ATG16L2: variants seen among roughly 807,000 people sequenced by gnomAD.
The protein encoded by ATG16L2 is autophagy related 16 like 2, also known as protein Atg16l2.
Under a neutral mutation model 84.7 loss-of-function variants are expected in ATG16L2, and 77 were observed. The ratio of observed to expected loss-of-function variants is 0.91; its 90% confidence interval spans 0.76 to 1.10. The LOEUF (loss-of-function observed/expected upper bound fraction) is 1.10. ATG16L2 is among the 50% of genes least tolerant of loss of function. The probability of loss-of-function intolerance (pLI) is 0.00; values close to 1 mark genes in which losing one functional copy is unlikely to be tolerated. For missense variants in ATG16L2, 782 were observed against 817.6 expected, an observed-to-expected ratio of 0.96 and a Z score of 0.53; for synonymous variants, 361 against 342.8, an observed-to-expected ratio of 1.05 and a Z score of -0.59.
chr11:72,815,521 C>T (rs1355726362), intron 1 of ATG16L2, among the ~76,000 whole-genome samples: 1 of 152,102 alleles, frequency 6.6e-6, no homozygotes, highest in Non-Finnish European at 1.5e-5. Context: ...GCCCCCCGCC[C>T]CGACCCAGGG....
intron 7 of ATG16L2, chr11:72,823,473 CCTT>C (rs1860136340): frequency 1.1e-5 from 4 of 362,926 alleles, no homozygotes; most frequent in Admixed American, 3.7e-5. Flanking sequence ...TCTCCTCCAT[CCTT>C]CTTGATTTGC....
At chr11:72,825,915 C>T (rs1207642796) in intron 10 of ATG16L2, among the ~76,000 whole-genome samples, 1 of 152,110 alleles carries the variant, frequency 6.6e-6, no homozygotes, top group Non-Finnish European at 1.5e-5. Flanking sequence ...TTGCTGCGTG[C>T]TCTACATAGT....
chr11:72,817,869 G>A lies in ATG16L2; in HGVS notation c.318+14G>A, dbSNP rs762903000. ...GTCTGTGGTGAGGTAAGTTGGGAAG[G>A]GGTCTGAAAATGGGGTAGAGAGATG... On this transcript the variant is annotated intron_variant, in intron 3 of 17. Transcript: ENST00000321297. 2 of 1,603,370 alleles carry A rather than the reference G, an allele frequency of 1.2e-6. No individual in the cohort carries two copies. The highest frequency in any genetic ancestry group is 2.2e-5 in the South Asian group (2 of 90,632).
intron 7 of ATG16L2, chr11:72,823,762 G>C (rs774270734): frequency 1.9e-6 from 1 of 525,022 alleles, no homozygotes; most frequent in East Asian, 4.9e-5. Context: ...TCTCCTCCCT[G>C]TAGGCCCCGG....
At position 72,827,174 on chromosome 11, in the gene ATG16L2, T is replaced by C. The variant is rs1860413281; in HGVS notation, c.1367-14T>C. On this transcript the variant is annotated splice_polypyrimidine_tract_variant and intron_variant, in intron 13 of 17. Coordinates refer to ENST00000321297, the MANE Select transcript of ATG16L2 (RefSeq NM_033388.2). ...CCTCCTCTGAGGCCCTGGGGTCTGCTGCTTGGTCCCCAGGCTCCAGGACCA... is the reference window on the plus strand; with the variant it reads ...CCTCCTCTGAGGCCCTGGGGTCTGCCGCTTGGTCCCCAGGCTCCAGGACCA... The C allele has an allele frequency of 6.2e-7, 1 of 1,604,662 alleles. No individual in the cohort carries two copies.
chr11:72,842,743 G>T, exon 6 of ATG16L2: 1 of 1,613,856 alleles, frequency 6.2e-7, no homozygotes, highest in Non-Finnish European at 8.5e-7. Context: ...TCATCATCTT[G>T]GTTTTCTTTG....
chr11:72,832,790 G>A (rs1315801417), downstream of ATG16L2, among the ~76,000 whole-genome samples: 1 of 152,202 alleles, frequency 6.6e-6, no homozygotes, highest in Non-Finnish European at 1.5e-5. Flanking sequence ...TCTAAAAACT[G>A]GATTCAGATT....
Position 72,822,522 on chromosome 11 carries a change from A to G in ATG16L2, c.689A>G (p.Lys230Arg). 6.2e-7 allele frequency: 1 copy of G among 1,612,832 alleles called. No individual in the cohort carries two copies. Among genetic ancestry groups the G allele is most frequent in the Non-Finnish European group, 8.5e-7 (1 of 1,179,412 alleles). ...TCCCAGGAGCTGAAGAAGGCTGCCA[A>G]GCGGACCGTGAGCATCAGCGAGTAA... The part of the protein sequence containing the change: ...RVSQELKKAA[K>R]RTVSISEGPD... Residue 230 changes from lysine to arginine, a missense_variant, in exon 6 of 18, where the codon AAG becomes AGG. By Grantham distance (26) the Lys-to-Arg change is conservative. Coordinates refer to ENST00000321297, the MANE Select transcript of ATG16L2 (RefSeq NM_033388.2). This position sits in a 1 kb window ranked among gnomAD's most constrained non-coding sequence, Gnocchi z 4.2.
intron 14 of ATG16L2, 60 bp from the exon 15 acceptor site, chr11:72,828,298 TC>T: frequency 6.3e-7 from 1 of 1,591,148 alleles, no homozygotes; most frequent in Non-Finnish European, 8.6e-7. Context: ...CCTGGCCCCT[TC>T]CTGTCAGGAG....
Position 72,825,288 on chromosome 11 carries a change from C to T in ATG16L2, c.997-14C>T, listed in dbSNP as rs374361202. 5.0e-6 allele frequency: 8 copies of T among 1,610,802 alleles called. No individual in the cohort carries two copies. The highest frequency in any genetic ancestry group is 3.3e-5 in the Admixed American group (2 of 59,978). On this transcript the variant is annotated splice_polypyrimidine_tract_variant and intron_variant, in intron 9 of 17. Transcript: ENST00000321297. Reference sequence around the variant, plus strand: ...CGGGGAGGGCCGGGGCACCAACCTCCCCTTTCCCCACAGGATGCCCACCTC... The same window carrying T: ...CGGGGAGGGCCGGGGCACCAACCTCTCCTTTCCCCACAGGATGCCCACCTC...
At chr11:72,829,693 C>T, downstream of ATG16L2, 2 of 1,067,828 alleles carry the variant, frequency 1.9e-6, no homozygotes, top group East Asian at 1.2e-4. Context: ...GGCTAGTGGG[C>T]TCTGGAAGAT....
At position 72,843,569 on chromosome 11, in the gene ATG16L2, G is replaced by A. The variant is rs756055529; in HGVS notation, c.*974G>A. On this transcript the variant is annotated 3_prime_UTR_variant, in exon 6 of 6. Transcript: ENST00000534905. ...GATGGTCATGGACAAAATTAAAAAGGTTAGATAAGGAGCAGATGTGAGCTG... is the reference window on the plus strand; with the variant it reads ...GATGGTCATGGACAAAATTAAAAAGATTAGATAAGGAGCAGATGTGAGCTG... 4 of 1,461,010 alleles carry A rather than the reference G, an allele frequency of 2.7e-6. No individual in the cohort carries two copies. The African/African-American group carries it at 5.6e-5, about 20-fold the overall frequency. 90.5% of individuals were successfully genotyped at this position (1,461,010 alleles called of 1,614,324 possible). A position where few individuals can be genotyped will look rare whatever the true frequency, so the allele number is the denominator to read the frequency against.
chr11:72,818,036 C>T, intron 3 of ATG16L2, 181 bp downstream of exon 3: 1 of 606,516 alleles, frequency 1.6e-6, no homozygotes. Context: ...CCTGGGCAGC[C>T]CAGGATGAAG....
intron 14 of ATG16L2, 97 bp from the exon 15 acceptor site, chr11:72,828,262 C>A: frequency 1.4e-6 from 2 of 1,438,610 alleles, no homozygotes; most frequent in Non-Finnish European, 1.9e-6. Flanking sequence ...TTCCTCCGGA[C>A]TTGGTTAGCT....
chr11:72,826,185 C>T lies in ATG16L2; in HGVS notation c.1115C>T (p.Ala372Val). The change falls in exon 11 of 18, where the codon GCC becomes GTC. Residue 372 changes from alanine to valine, a missense_variant. Ala to Val is a moderately conservative substitution (Grantham distance 64, BLOSUM62 0). Transcript: ENST00000321297. Reference protein sequence around the residue: ...LWNVVGSRLEANQTLEGAGGS... With the variant: ...LWNVVGSRLEVNQTLEGAGGS... ...CTGGTCCTCCCAGGTCGCCTGGAGG[C>T]CAACCAGACCCTGGAGGGAGCTGGT... 1 of 1,613,504 alleles carries T rather than the reference C, an allele frequency of 6.2e-7. No individual in the cohort carries two copies. Among genetic ancestry groups the T allele is most frequent in the Non-Finnish European group, 8.5e-7 (1 of 1,179,554 alleles).
intron 5 of ATG16L2, among the ~76,000 whole-genome samples, chr11:72,839,287 T>C (rs1860830111): frequency 6.6e-6 from 1 of 152,196 alleles, no homozygotes; most frequent in African/African-American, 2.4e-5. Context: ...TGTTAAACCA[T>C]GTTTAAACAT....
In ATG16L2 at chr11:72,829,394, CA is replaced by C; in HGVS notation, c.*5del. On this transcript the variant is annotated 3_prime_UTR_variant, in exon 18 of 18. Transcript: ENST00000321297. ...GAAGGTTGTGCTCTGGCAGTAGGGC[CA>C]CGACCTGCCTGCCTGGGCTGGAGCT... 6.2e-7 allele frequency: 1 copy of C among 1,608,496 alleles called. No homozygotes were observed. Among genetic ancestry groups the C allele is most frequent in the Non-Finnish European group, 8.5e-7 (1 of 1,177,356 alleles).
intron 12 of ATG16L2, 54 bp downstream of exon 12, chr11:72,826,643 AG>A: frequency 6.2e-7 from 1 of 1,614,074 alleles, no homozygotes; most frequent in Non-Finnish European, 8.5e-7. Flanking sequence ...CCTCAGGACT[AG>A]GGGGCCTGTT....
intron 5 of ATG16L2, among the ~76,000 whole-genome samples, chr11:72,839,866 G>T (rs1239071550): frequency 6.6e-6 from 1 of 152,188 alleles, no homozygotes; most frequent in African/African-American, 2.4e-5. Context: ...TTCGGCAAGA[G>T]TGCGTTCAAC....
Sources: allele counts gnomAD v4.1 joint callset (sites outside exome capture counted in the v4.1 genomes callset), GRCh38; gene constraint gnomAD v4.1.1; non-coding constraint Gnocchi (gnomAD v3.1); transcripts MANE v1.5; gene names NCBI Gene and HGNC (gene_info 2026-07-23, HGNC 2026-07-21).